LYPD6B: variants seen among roughly 807,000 people sequenced by gnomAD.
LYPD6B encodes ly6/PLAUR domain-containing protein 6B.
LYPD6B carries 17 observed loss-of-function variants against 22.8 expected under a neutral mutation model. The observed-to-expected ratio is 0.75, with a 90% confidence interval of 0.51 to 1.12. The LOEUF (loss-of-function observed/expected upper bound fraction) is 1.12, where lower values mean the gene tolerates loss of function less well. LYPD6B is among the 50% of genes most tolerant of loss of function. LYPD6B has a pLI of 0.00. For missense variants in LYPD6B, 221 were observed against 258.3 expected, an observed-to-expected ratio of 0.86 and a Z score of 0.99; for synonymous variants, 106 against 91.6, an observed-to-expected ratio of 1.16 and a Z score of -0.90.
chr2:149,088,455 C>T (rs1387228823), intron 1 of LYPD6B, among the ~76,000 whole-genome samples: 2 of 152,120 alleles, frequency 1.3e-5, no homozygotes, highest in East Asian at 1.9e-4. Flanking sequence ...GTTATGGGAA[C>T]GTGTGGCTGT....
In LYPD6B at chr2:149,175,059, C is replaced by CTG. The variant is rs1281402106; in HGVS notation, c.77+14225_77+14226insGT. Among the ~76,000 whole-genome samples, 290 of 116,248 alleles carry CTG rather than the reference C, an allele frequency of 2.5e-3. 3 individuals are homozygous for CTG. Among genetic ancestry groups the CTG allele is most frequent in the South Asian group, 0.017 (48 of 2,764 alleles). 76.3% of individuals were successfully genotyped at this position (116,248 alleles called of 152,430 possible). On this transcript the variant is annotated intron_variant, in intron 3 of 6. Coordinates refer to ENST00000409642, the MANE Select transcript of LYPD6B (RefSeq NM_177964.5). ...TCTCTCTCTCTCTCTCTCTCTCTCT[C>CTG]TCTGTGTGTGTGTGTGTGTGTGTGT...
rs56739458 is a variant in LYPD6B, at chr2:149,103,771, C to CTTTTT, written c.-66-27093_-66-27089dup. 3.9e-3 allele frequency among the ~76,000 whole-genome samples: 287 copies of CTTTTT among 74,308 alleles called. 13 individuals are homozygous for CTTTTT. Among genetic ancestry groups the CTTTTT allele is most frequent in the African/African-American group, 9.6e-3 (174 of 18,066 alleles). 48.7% of individuals were successfully genotyped at this position (74,308 alleles called of 152,430 possible). A position where few individuals can be genotyped will look rare whatever the true frequency, so the allele number is the denominator to read the frequency against. On this transcript the variant is annotated intron_variant, in intron 1 of 6. Coordinates refer to ENST00000409642, the MANE Select transcript of LYPD6B (RefSeq NM_177964.5). ...TGATGTTCATACACGTTGTGCATAT[C>CTTTTT]TTTTTTTTTTTTTTTTTTTTTTTGA...
chr2:149,104,126 T>G (rs1266473008), intron 1 of LYPD6B, among the ~76,000 whole-genome samples: 1 of 152,164 alleles, frequency 6.6e-6, no homozygotes, highest in Non-Finnish European at 1.5e-5. Context: ...TGTATCGTTA[T>G]GCCCACAATC....
intron 3 of LYPD6B, among the ~76,000 whole-genome samples, chr2:149,175,055 C>G (rs369525213): frequency 0.29 from 38,060 of 131,846 alleles, 6,070 homozygotes; most frequent in Non-Finnish European, 0.37. Flanking sequence ...CTCTCTCTCT[C>G]TCTCTCTGTG....
intron 2 of LYPD6B, chr2:149,153,927 G>A (rs1227941347): frequency 5.5e-6 from 1 of 181,582 alleles, no homozygotes; most frequent in African/African-American, 2.4e-5. Context: ...TCATTACTGT[G>A]GATTATGGAA....
intron 3 of LYPD6B, among the ~76,000 whole-genome samples, chr2:149,163,659 A>G (rs1335582119): frequency 6.6e-6 from 1 of 152,144 alleles, no homozygotes; most frequent in Non-Finnish European, 1.5e-5. Flanking sequence ...TTCTTCCCTC[A>G]GGTTACAGGT....
At chr2:149,183,472 A>C (rs552988085) in intron 3 of LYPD6B, among the ~76,000 whole-genome samples, 1 of 151,916 alleles carries the variant, frequency 6.6e-6, no homozygotes, top group Non-Finnish European at 1.5e-5. Context: ...CATTTGTTCT[A>C]TGTGGCCAAT....
At chr2:149,095,934 A>G (rs1158168528) in intron 1 of LYPD6B, among the ~76,000 whole-genome samples, 1 of 151,946 alleles carries the variant, frequency 6.6e-6, no homozygotes, top group Non-Finnish European at 1.5e-5. Flanking sequence ...AGAGAGAGGG[A>G]CAGAGAGAGA....
intron 2 of LYPD6B, among the ~76,000 whole-genome samples, chr2:149,139,763 A>C (rs1485047022): frequency 1.3e-5 from 2 of 152,254 alleles, no homozygotes; most frequent in Non-Finnish European, 2.9e-5. Context: ...CTTAAAGAAG[A>C]GAACTTGTTT....
At chr2:149,118,053 C>T (rs1276595598) in intron 1 of LYPD6B, 3 of 152,166 alleles carry the variant, frequency 2.0e-5, no homozygotes, top group Non-Finnish European at 4.4e-5. Context: ...CTTGGCTTTC[C>T]CCAGAGCAAG....
chr2:149,112,229 C>G (rs952771960), intron 1 of LYPD6B, among the ~76,000 whole-genome samples: 1 of 152,120 alleles, frequency 6.6e-6, no homozygotes, highest in South Asian at 2.1e-4. Context: ...AAAAAGTTCC[C>G]TGTAGTTACC....
At chr2:149,138,915 G>C (rs1688524697) in intron 2 of LYPD6B, among the ~76,000 whole-genome samples, 1 of 152,196 alleles carries the variant, frequency 6.6e-6, no homozygotes, top group Non-Finnish European at 1.5e-5. Flanking sequence ...AATTTTTGCA[G>C]TGTTATATTT....
At chr2:149,213,582 A>G (rs1312418188) in intron 6 of LYPD6B, among the ~76,000 whole-genome samples, 2 of 152,228 alleles carry the variant, frequency 1.3e-5, no homozygotes, top group African/African-American at 4.8e-5. Flanking sequence ...TCACTCCTTT[A>G]TATGCCTGGA....
At chr2:149,205,594 A>T (rs1693461023) in intron 4 of LYPD6B, among the ~76,000 whole-genome samples, 190 bp downstream of exon 4, 1 of 152,200 alleles carries the variant, frequency 6.6e-6, no homozygotes, top group Non-Finnish European at 1.5e-5. Flanking sequence ...TTTCCTTAAA[A>T]TGGTCTGGCT....
intron 2 of LYPD6B, among the ~76,000 whole-genome samples, chr2:149,136,669 A>G (rs1235112436): frequency 6.6e-6 from 1 of 152,266 alleles, no homozygotes; most frequent in Non-Finnish European, 1.5e-5. Flanking sequence ...GTTTAGAAGG[A>G]TATGGCTCCT....
chr2:149,206,094 G>T, intron 4 of LYPD6B: 1 of 444,348 alleles, frequency 2.3e-6, no homozygotes, highest in Non-Finnish European at 4.6e-6. Flanking sequence ...ATACATGTGG[G>T]TACCTGTAGT....
chr2:149,195,682 A>G (rs187093163), intron 3 of LYPD6B, among the ~76,000 whole-genome samples: 13 of 152,340 alleles, frequency 8.5e-5, no homozygotes, highest in African/African-American at 3.1e-4. Flanking sequence ...AAATCTTGTC[A>G]GCTATTGTAT....
intron 1 of LYPD6B, among the ~76,000 whole-genome samples, chr2:149,060,272 A>G (rs552819964): frequency 1.3e-5 from 2 of 152,220 alleles, no homozygotes; most frequent in South Asian, 2.1e-4. Context: ...CCACTTTCCA[A>G]CTGTGGGCAA....
At chr2:149,162,250 T>C (rs1185596880) in intron 3 of LYPD6B, among the ~76,000 whole-genome samples, 2 of 152,224 alleles carry the variant, frequency 1.3e-5, no homozygotes, top group African/African-American at 4.8e-5. Context: ...GTTCTTACTG[T>C]CTACCAGGCA....
Sources: allele counts gnomAD v4.1 joint callset (sites outside exome capture counted in the v4.1 genomes callset), GRCh38; gene constraint gnomAD v4.1.1; transcripts MANE v1.5; gene names NCBI Gene and HGNC (gene_info 2026-07-23, HGNC 2026-07-21).